The following PTPN12 variants were observed in gnomAD, a reference collection of about 807,000 sequenced individuals.
PTPN12 encodes tyrosine-protein phosphatase non-receptor type 12.
A neutral mutation model predicts 97.6 loss-of-function variants in PTPN12; 29 were observed. That is an observed-to-expected ratio of 0.30 (90% confidence interval 0.22 to 0.41). The LOEUF is 0.41. Among genes scored for constraint, PTPN12 ranks in the 10% least tolerant of loss-of-function variants. The pLI is 1.00. For missense variants in PTPN12, 819 were observed against 926.0 expected, an observed-to-expected ratio of 0.88 and a Z score of 1.50; for synonymous variants, 327 against 300.4, an observed-to-expected ratio of 1.09 and a Z score of -0.91.
In PTPN12 at chr7:77,571,066, T is replaced by C. The variant is rs1787109379; in HGVS notation, c.100-12T>C. ...TTCTCTAAACTTTAATTTTTATTTGTTGTATTTTAAGCGGTTAAGAAGATT... is the reference window on the plus strand; with the variant it reads ...TTCTCTAAACTTTAATTTTTATTTGCTGTATTTTAAGCGGTTAAGAAGATT... On this transcript the variant is annotated splice_polypyrimidine_tract_variant and intron_variant, in intron 1 of 17. Transcript: ENST00000248594. The C allele has an allele frequency of 2.7e-6, 4 of 1,498,122 alleles. No individual in the cohort carries two copies. In the East Asian group the frequency reaches 9.8e-5, roughly 37 times the overall value. 92.8% of individuals were successfully genotyped at this position (1,498,122 alleles called of 1,614,324 possible). A position where few individuals can be genotyped will look rare whatever the true frequency, so the allele number is the denominator to read the frequency against.
Position 77,618,571 on chromosome 7 carries a change from G to GT in PTPN12, c.1025+7dup. ...AAACCACCAAGGACCCGCAGGTATT[G>GT]TATGTCTTCGAACATTTTCTTTAAA... On this transcript the variant is annotated splice_region_variant and intron_variant, in intron 12 of 17. Coordinates refer to ENST00000248594, the MANE Select transcript of PTPN12 (RefSeq NM_002835.4). The GT allele has an allele frequency of 6.3e-7, 1 of 1,575,090 alleles. No homozygotes were observed. Among genetic ancestry groups the GT allele is most frequent in the Non-Finnish European group, 8.7e-7 (1 of 1,147,138 alleles).
At position 77,626,750 on chromosome 7, in the gene PTPN12, G is replaced by T. The variant is rs754211441; in HGVS notation, c.1071G>T (p.Pro357=). 7 of 1,611,386 alleles carry T rather than the reference G, an allele frequency of 4.3e-6. No homozygotes were observed. Among genetic ancestry groups the T allele is most frequent in the Non-Finnish European group, 5.9e-6 (7 of 1,179,270 alleles). Residue 357 remains proline (P), a synonymous_variant, in exon 13 of 18, where the codon CCG becomes CCT. Transcript: ENST00000248594. ...CTAAAGAAGAAATACTGCAGCCACC[G>T]GAACCTCATCCAGTGCCACCCATCT... ...GDAKEEILQP[P]EPHPVPPILT... is the part of the protein sequence containing the mutation.
chr7:77,632,232 A>G (rs1789423311), intron 13 of PTPN12, 116 bp from the exon 14 acceptor site: 3 of 784,316 alleles, frequency 3.8e-6, no homozygotes, highest in African/African-American at 1.7e-5. Context: ...ATTTTTTTGC[A>G]TTTTTAAAAA....
intron 8 of PTPN12, among the ~76,000 whole-genome samples, chr7:77,604,713 A>G (rs1348971565): frequency 6.6e-6 from 1 of 151,920 alleles, no homozygotes; most frequent in African/African-American, 2.4e-5. Context: ...TAGTGTATAT[A>G]TTTTGCATAT....
chr7:77,561,040 A>G (rs1807973352), intron 1 of PTPN12, among the ~76,000 whole-genome samples: 1 of 152,266 alleles, frequency 6.6e-6, no homozygotes, highest in Non-Finnish European at 1.5e-5. Flanking sequence ...CAGTTTCTCC[A>G]TATCCTTGCC....
At chr7:77,593,578 G>A (rs933899656) in intron 6 of PTPN12, among the ~76,000 whole-genome samples, 1 of 152,238 alleles carries the variant, frequency 6.6e-6, no homozygotes, top group Non-Finnish European at 1.5e-5. Flanking sequence ...CAATGTTGCA[G>A]ATGAAGGCAG....
chr7:77,574,796 G>C lies in PTPN12; in HGVS notation c.208+3610G>C, dbSNP rs1194987102. On this transcript the variant is annotated intron_variant, in intron 2 of 17. Coordinates refer to ENST00000248594, the MANE Select transcript of PTPN12 (RefSeq NM_002835.4). ...TAAGTTATTTAAAGTTTGATAAGTA[G>C]GTCTCCAGTAAATTTCTAGTTATTT... is the stretch of plus-strand genomic sequence containing the variant. Among the ~76,000 whole-genome samples, 33 of 152,006 alleles carry C rather than the reference G, an allele frequency of 2.2e-4. 1 individual carries two copies. The highest frequency in any genetic ancestry group is 2.2e-3 in the Admixed American group (33 of 15,254).
rs1410443792 is a variant in PTPN12 at position 77,537,300 on chromosome 7, CG to C, written c.-246del. 2 of 305,186 alleles carry C rather than the reference CG, an allele frequency of 6.6e-6. No individual in the cohort carries two copies. Among genetic ancestry groups the C allele is most frequent in the Non-Finnish European group, 1.0e-5 (2 of 200,838 alleles). 18.9% of individuals were successfully genotyped at this position (305,186 alleles called of 1,614,324 possible). ...AGCTGGGGGTTGGGGTTGGCGCTAG[CG>C]CAGCGGCTCGCCTGGTACTGTGGGA... is the stretch of plus-strand genomic sequence containing the variant. On this transcript the variant is annotated 5_prime_UTR_variant, in exon 1 of 18. Transcript: ENST00000248594.
chr7:77,586,968 C>T (rs1028564566), intron 5 of PTPN12, among the ~76,000 whole-genome samples: 1 of 152,196 alleles, frequency 6.6e-6, no homozygotes, highest in South Asian at 2.1e-4. Flanking sequence ...ACTTCTGATT[C>T]TCTTTGTTGT....
intron 17 of PTPN12, 29 bp downstream of exon 17, chr7:77,638,760 A>G (rs998847738): frequency 6.3e-7 from 1 of 1,587,454 alleles, no homozygotes; most frequent in Non-Finnish European, 8.5e-7. Flanking sequence ...AATTTTTAGT[A>G]AGTAGTTAAC....
chr7:77,626,666 A>G, intron 12 of PTPN12, 39 bp from the exon 13 acceptor site: 1 of 1,541,846 alleles, frequency 6.5e-7, no homozygotes, highest in Non-Finnish European at 8.8e-7. Flanking sequence ...AACTTGTTTA[A>G]CAGTCTTAAA....
At chr7:77,571,507 A>G (rs992243123) in intron 2 of PTPN12, among the ~76,000 whole-genome samples, 47 of 152,194 alleles carry the variant, frequency 3.1e-4, no homozygotes, top group African/African-American at 1.1e-3. Context: ...ACAACTGAAT[A>G]CATTTTATAA....
At chr7:77,608,056 A>G (rs1788436191) in intron 9 of PTPN12, among the ~76,000 whole-genome samples, 1 of 152,122 alleles carries the variant, frequency 6.6e-6, no homozygotes, top group African/African-American at 2.4e-5. Flanking sequence ...TGCCTGGCCC[A>G]TTGCCTTTTA....
intron 1 of PTPN12, among the ~76,000 whole-genome samples, chr7:77,564,757 T>TTTTTTTTG (rs1808178479): frequency 3.2e-5 from 3 of 92,454 alleles, no homozygotes; most frequent in African/African-American, 4.7e-5. Flanking sequence ...TTTTTTTTTT[T>TTTTTTTTG]TTTTTTTTTT....
chr7:77,577,001 G>A (rs1380248628), intron 2 of PTPN12, among the ~76,000 whole-genome samples: 1 of 152,172 alleles, frequency 6.6e-6, no homozygotes, highest in Non-Finnish European at 1.5e-5. Flanking sequence ...GTGTGTCATT[G>A]CTTTTAGGCC....
chr7:77,594,218 T>C (rs939414738), intron 6 of PTPN12, among the ~76,000 whole-genome samples: 1 of 152,164 alleles, frequency 6.6e-6, no homozygotes, highest in African/African-American at 2.4e-5. Context: ...CCCAGCACTT[T>C]GGGAGGCTGA....
At chr7:77,569,657 G>A (rs193297218) in intron 1 of PTPN12, among the ~76,000 whole-genome samples, 1 of 152,218 alleles carries the variant, frequency 6.6e-6, no homozygotes, top group Non-Finnish European at 1.5e-5. Flanking sequence ...TGTAATTCCA[G>A]CTACTCAGGA....
At chr7:77,583,453 AAAC>A (rs1787586858) in intron 3 of PTPN12, 99 bp from the exon 4 acceptor site, 4 of 742,332 alleles carry the variant, frequency 5.4e-6, no homozygotes, top group Non-Finnish European at 6.7e-6. Context: ...GTTTAAGTTA[AAAC>A]AACAATATTA....
chr7:77,631,602 A>G (rs1231535937), intron 13 of PTPN12, among the ~76,000 whole-genome samples: 1 of 152,216 alleles, frequency 6.6e-6, no homozygotes, highest in Non-Finnish European at 1.5e-5. Flanking sequence ...ACCTTAAGCC[A>G]TAATAAAGCT....
Sources: allele counts gnomAD v4.1 joint callset (sites outside exome capture counted in the v4.1 genomes callset), GRCh38; gene constraint gnomAD v4.1.1; transcripts MANE v1.5; gene names NCBI Gene and HGNC (gene_info 2026-07-23, HGNC 2026-07-21).